The following KIF1B variants were observed in gnomAD, a reference collection of about 807,000 sequenced individuals.
KIF1B encodes kinesin family member 1B, also known as kinesin-like protein KIF1B.
A neutral mutation model predicts 241.9 loss-of-function variants in KIF1B; 76 were observed. The ratio of observed to expected loss-of-function variants is 0.31; its 90% CI spans 0.26 to 0.38. KIF1B has a LOEUF of 0.38. Among genes scored for constraint, KIF1B ranks in the 10% least tolerant of loss-of-function variants. The probability of loss-of-function intolerance (pLI) is 1.00; values close to 1 mark genes in which losing one functional copy is unlikely to be tolerated. For missense variants in KIF1B, 1,622 were observed against 2,271.4 expected (o/e 0.71, Z 5.81); for synonymous variants, 750 against 796.7 (o/e 0.94, Z 0.99).
intron 31 of KIF1B, among the ~76,000 whole-genome samples, chr1:10,338,407 T>C (rs955552106): frequency 6.6e-6 from 1 of 152,270 alleles, no homozygotes; most frequent in African/African-American, 2.4e-5. Context: ...TAATATCATT[T>C]GCTACAAGTC....
At position 10,374,799 on chromosome 1, in the gene KIF1B, G is replaced by A; in HGVS notation, c.5097-55G>A. 1.9e-6 allele frequency: 3 copies of A among 1,545,782 alleles called. No homozygotes were observed. In the East Asian group the frequency reaches 6.7e-5, roughly 35 times the overall value. The stretch of plus-strand genomic sequence containing the variant: ...GTGTGGCGTATTTTGATGGTCCTCA[G>A]CACGATTATTTTCTTTTTGTGAGAA... On this transcript the variant is annotated intron_variant, in intron 46 of 48. Coordinates refer to ENST00000676179, the MANE Select transcript of KIF1B (RefSeq NM_001365951.3). The surrounding 1 kb of genome is among the most constrained non-coding windows in gnomAD (Gnocchi z 4.3).
intron 1 of KIF1B, among the ~76,000 whole-genome samples, chr1:10,219,601 C>CA (rs1204994410): frequency 6.9e-6 from 1 of 144,768 alleles, no homozygotes; most frequent in Non-Finnish European, 1.5e-5. Flanking sequence ...ACTAAAAATA[C>CA]AAAAAAATCA....
rs769237267 is a variant in KIF1B, at chr1:10,232,389, A to G, written c.61A>G (p.Ser21Gly). 6.8e-6 allele frequency: 11 copies of G among 1,614,050 alleles called. No individual in the cohort carries two copies. The highest frequency in any genetic ancestry group is 8.5e-6 in the Non-Finnish European group (10 of 1,180,020). The change falls in exon 2 of 49, where the codon AGC becomes GGC. Residue 21 changes from serine to glycine, a missense_variant. Coordinates refer to ENST00000676179, the MANE Select transcript of KIF1B (RefSeq NM_001365951.3). ...RVRPFNSRETSKESKCIIQMQ... is the reference protein window; with the variant it reads ...RVRPFNSRETGKESKCIIQMQ... ...AAGGCCCTTCAATTCTCGAGAGACC[A>G]GCAAGGAATCCAAATGCATCATTCA...
intron 27 of KIF1B, among the ~76,000 whole-genome samples, chr1:10,333,490 G>C (rs1343183930): frequency 6.6e-6 from 1 of 152,072 alleles, no homozygotes; most frequent in Non-Finnish European, 1.5e-5. Flanking sequence ...AGGAGATCAA[G>C]ACCATCCTGG....
intron 1 of KIF1B, among the ~76,000 whole-genome samples, chr1:10,231,681 C>T (rs1414963396): frequency 6.6e-6 from 1 of 152,116 alleles, no homozygotes; most frequent in Non-Finnish European, 1.5e-5. Flanking sequence ...GCCACCATGC[C>T]TGGCCCAATG....
intron 41 of KIF1B, among the ~76,000 whole-genome samples, chr1:10,364,007 T>C (rs902758934): frequency 1.3e-5 from 2 of 152,114 alleles, no homozygotes; most frequent in South Asian, 2.1e-4. Flanking sequence ...GATAGTTTCT[T>C]GAGGAATTTT....
At chr1:10,351,451 A>C (rs1286616706) in intron 37 of KIF1B, among the ~76,000 whole-genome samples, 1 of 152,188 alleles carries the variant, frequency 6.6e-6, no homozygotes, top group Non-Finnish European at 1.5e-5. Context: ...TTTAATCCTC[A>C]TAGCAACCAT....
At chr1:10,240,280 C>T (rs981297703) in intron 2 of KIF1B, among the ~76,000 whole-genome samples, 5 of 151,574 alleles carry the variant, frequency 3.3e-5, no homozygotes, top group African/African-American at 1.2e-4. Flanking sequence ...GCGATCTGAG[C>T]TCACTGCAAC....
intron 2 of KIF1B, among the ~76,000 whole-genome samples, chr1:10,243,057 G>A (rs900077606): frequency 2.6e-5 from 4 of 152,142 alleles, no homozygotes; most frequent in African/African-American, 4.8e-5. Flanking sequence ...ACATTGTTCC[G>A]GTCTGTTACT....
chr1:10,320,268 A>G (rs1239906151), intron 23 of KIF1B, 132 bp downstream of exon 23: 1 of 652,970 alleles, frequency 1.5e-6, no homozygotes, highest in East Asian at 3.0e-5. Context: ...TTACTGAGCC[A>G]GTTTACAGAT....
At position 10,326,470 on chromosome 1, in the gene KIF1B, G is replaced by T; in HGVS notation, c.2924+111G>T. ...GCATTAGCCAATTCAACTCATGAAT[G>T]CTCTTTTTCAAGTTCTCCAATACTT... On this transcript the variant is annotated intron_variant, in intron 27 of 48. Transcript: ENST00000676179. The surrounding 1 kb of genome is among the most constrained non-coding windows in gnomAD (Gnocchi z 5.2). 1.5e-6 allele frequency: 2 copies of T among 1,379,156 alleles called. No homozygotes were observed. The highest frequency in any genetic ancestry group is 2.0e-6 in the Non-Finnish European group (2 of 977,768). The allele number at this position is 1,379,156 out of a possible 1,614,324, so 85.4% of individuals were successfully genotyped here.
At chr1:10,230,512 T>C (rs1318453351) in intron 1 of KIF1B, among the ~76,000 whole-genome samples, 8 of 151,510 alleles carry the variant, frequency 5.3e-5, no homozygotes, top group Non-Finnish European at 8.8e-5. Flanking sequence ...CTCAGCTCAC[T>C]GCAACCTCCA....
intron 22 of KIF1B, among the ~76,000 whole-genome samples, chr1:10,315,036 A>G (rs1651239489): frequency 6.6e-6 from 1 of 151,170 alleles, no homozygotes; most frequent in African/African-American, 2.5e-5. Context: ...TGAAACAGAG[A>G]AGCTGAAAAA....
chr1:10,277,095 T>A lies in KIF1B; in HGVS notation c.1037+696T>A, dbSNP rs11576459. The stretch of plus-strand genomic sequence containing the variant: ...ACTCCATCTCAAAAAAAAAAAAAAA[T>A]AAATTCTGAAGTCATAATAAGTAAT... On this transcript the variant is annotated intron_variant, in intron 12 of 48. Coordinates refer to ENST00000676179, the MANE Select transcript of KIF1B (RefSeq NM_001365951.3). Among the ~76,000 whole-genome samples the A allele has an allele frequency of 5.9e-4, 87 of 147,852 alleles. 1 individual carries two copies. Among genetic ancestry groups the A allele is most frequent in the African/African-American group, 1.4e-3 (55 of 40,140 alleles).
In KIF1B at chr1:10,303,400, G is replaced by A; in HGVS notation, c.2115+6154G>A. On this transcript the variant is annotated intron_variant, in intron 22 of 48. Transcript: ENST00000676179. This position sits in a 1 kb window ranked among gnomAD's most constrained non-coding sequence, Gnocchi z 5.2. ...CACAATCTCAGATCTTAAAATTCAG[G>A]CTGTCAAAGAGATTTGCTATGAGGT... 1 of 1,614,176 alleles carries A rather than the reference G, an allele frequency of 6.2e-7. No individual in the cohort carries two copies. Among genetic ancestry groups the A allele is most frequent in the South Asian group, 1.1e-5 (1 of 91,090 alleles).
intron 3 of KIF1B, among the ~76,000 whole-genome samples, chr1:10,256,850 T>G (rs915790132): frequency 6.6e-6 from 1 of 152,088 alleles, no homozygotes; most frequent in Admixed American, 6.5e-5. Flanking sequence ...TAGCTGGGAT[T>G]ACAGGCGCGT....
In KIF1B at chr1:10,376,835, AC is replaced by A; in HGVS notation, c.*249del. 1 of 136,358 alleles carries A rather than the reference AC, an allele frequency of 7.3e-6. No individual in the cohort carries two copies. Among genetic ancestry groups the A allele is most frequent in the Admixed American group, 8.1e-5 (1 of 12,312 alleles). 8.4% of individuals were successfully genotyped at this position (136,358 alleles called of 1,614,324 possible). On this transcript the variant is annotated 3_prime_UTR_variant, in exon 49 of 49. Coordinates refer to ENST00000676179, the MANE Select transcript of KIF1B (RefSeq NM_001365951.3). ...TAACAAAAGGAAAAAATGTTTTTAA[AC>A]ACACACACACACACACACACACACA...
intron 1 of KIF1B, among the ~76,000 whole-genome samples, chr1:10,213,610 C>G (rs1015387914): frequency 6.6e-6 from 1 of 152,074 alleles, no homozygotes; most frequent in Non-Finnish European, 1.5e-5. Flanking sequence ...GGAAGCATAT[C>G]CTTTTGGTCT....
At chr1:10,308,132 C>T (rs2102278204) in intron 22 of KIF1B, 2 of 1,061,056 alleles carry the variant, frequency 1.9e-6, no homozygotes, top group Middle Eastern at 4.2e-4. Context: ...TGCCCCAGTG[C>T]CTTACTGGTC....
Sources: gnomAD v4.1 joint callset for allele counts (sites outside exome capture counted in the v4.1 genomes callset) on GRCh38, gnomAD v4.1.1 for gene constraint, Gnocchi (gnomAD v3.1) non-coding constraint, MANE v1.5 for transcripts, NCBI Gene and HGNC (gene_info 2026-07-23, HGNC 2026-07-21) for gene names.